WDR49: variants seen among roughly 807,000 people sequenced by gnomAD.
WDR49 encodes WD repeat domain 49.
A neutral mutation model predicts 119.5 loss-of-function variants in WDR49; 107 were observed. The observed-to-expected ratio is 0.90, with a 90% confidence interval of 0.77 to 1.05. The LOEUF (loss-of-function observed/expected upper bound fraction) is 1.05, where lower values mean the gene tolerates loss of function less well. Among genes scored for constraint, WDR49 ranks in the 50% least tolerant of loss-of-function variants. The pLI is 0.00. For synonymous variants in WDR49, 425 were observed against 418.8 expected (o/e 1.01, Z -0.18); for missense variants, 1,240 against 1,220.5 (o/e 1.02, Z -0.24).
At chr3:167,654,398 T>TA (rs1196781553), upstream of WDR49, among the ~76,000 whole-genome samples, 2 of 152,174 alleles carry the variant, frequency 1.3e-5, no homozygotes, top group African/African-American at 4.8e-5. Flanking sequence ...CATAACATAA[T>TA]ATGATAAATC....
chr3:167,646,517 C>G (rs990943423), intron 2 of WDR49, among the ~76,000 whole-genome samples: 2 of 152,098 alleles, frequency 1.3e-5, no homozygotes, highest in Non-Finnish European at 2.9e-5. Flanking sequence ...GCAGCATTGT[C>G]CAATGGAACT....
At chr3:167,617,842 G>C (rs996984477) in intron 5 of WDR49, among the ~76,000 whole-genome samples, 1 of 152,104 alleles carries the variant, frequency 6.6e-6, no homozygotes, top group African/African-American at 2.4e-5. Context: ...ATTTTCTAAT[G>C]ATCAAAAACC....
At chr3:167,499,800 T>C (rs1751490269) in intron 18 of WDR49, among the ~76,000 whole-genome samples, 1 of 152,194 alleles carries the variant, frequency 6.6e-6, no homozygotes, top group Admixed American at 6.5e-5. Context: ...CCAGACACTG[T>C]GTTCTAAAGT....
At position 167,527,837 on chromosome 3, in the gene WDR49, C is replaced by T. The variant is rs1752690311; in HGVS notation, c.2587G>A (p.Val863Ile). 3 of 1,612,616 alleles carry T rather than the reference C, an allele frequency of 1.9e-6. No homozygotes were observed. The highest frequency in any genetic ancestry group is 2.5e-6 in the Non-Finnish European group (3 of 1,179,258). ...ICVTGVCNAPVWIFGQAKHWH... is the reference protein window; with the variant it reads ...ICVTGVCNAPIWIFGQAKHWH... ...ATTTCTACCTGACCAAAGATCCAAA[C>T]AGGAGCATTGCAGACACCAGTCACA... The change falls in exon 15 of 19, where the codon GTT becomes ATT. Residue 863 changes from valine to isoleucine, a missense_variant. Coordinates refer to ENST00000682715, the MANE Select transcript of WDR49 (RefSeq NM_001366157.1).
chr3:167,522,319 A>G lies in WDR49; in HGVS notation c.2770T>C (p.Tyr924His). Reference sequence around the variant, plus strand: ...CTAATGTTCAAAATTACTTACTTGTATGTTGAGTCATCTTTGTTTTTCTTA... The same window carrying G: ...CTAATGTTCAAAATTACTTACTTGTGTGTTGAGTCATCTTTGTTTTTCTTA... ...LNKKNKDDST[Y>H]NVRPSEDINL... is the part of the protein sequence containing the mutation. The change falls in exon 16 of 19, where the codon TAC (tyrosine) becomes CAC (histidine). Residue 924 changes from tyrosine to histidine, a missense_variant. Physicochemically the swap from Tyr to His is moderately conservative, Grantham distance 83. Transcript: ENST00000682715. 1.9e-6 allele frequency: 3 copies of G among 1,582,792 alleles called. No homozygotes were observed. The highest frequency in any genetic ancestry group is 2.6e-6 in the Non-Finnish European group (3 of 1,172,376).
At chr3:167,596,950 G>GA (rs528182004) in intron 7 of WDR49, among the ~76,000 whole-genome samples, 27,327 of 126,904 alleles carry the variant, frequency 0.22, 2,748 homozygotes, top group South Asian at 0.27. Context: ...ACTCAAAATG[G>GA]AAAAAAAAAA....
intron 2 of WDR49, among the ~76,000 whole-genome samples, chr3:167,633,088 CGTGTGTGTGTGT>C (rs3061397): frequency 2.0e-5 from 3 of 147,084 alleles, no homozygotes; most frequent in South Asian, 4.4e-4. Flanking sequence ...TAGCCAAACT[CGTGTGTGTGTGT>C]GTGTGTGTGT....
chr3:167,512,895 AC>A (rs1752035859), intron 16 of WDR49, among the ~76,000 whole-genome samples: 1 of 152,208 alleles, frequency 6.6e-6, no homozygotes, highest in South Asian at 2.1e-4. Flanking sequence ...AGACAGGCAG[AC>A]AAGATAAGAG....
chr3:167,484,332 A>T (rs527318443), intron 18 of WDR49, among the ~76,000 whole-genome samples: 1 of 152,232 alleles, frequency 6.6e-6, no homozygotes, highest in East Asian at 1.9e-4. Context: ...GCATTAAGAG[A>T]TATACCTAAT....
Position 167,536,756 on chromosome 3 carries a change from CAT to C in WDR49, c.1954+112_1954+113del, listed in dbSNP as rs376503635. On this transcript the variant is annotated intron_variant, in intron 11 of 18. Transcript: ENST00000682715. ...ATACACACACACACACATACATATA[CAT>C]ATATATATATATAAAACAACTGAGA... The C allele has an allele frequency of 8.2e-3, 3,249 of 396,448 alleles. 33 individuals are homozygous for C. Among genetic ancestry groups the C allele is most frequent in the African/African-American group, 0.041 (1,684 of 41,220 alleles). The allele number at this position is 396,448 out of a possible 1,614,324, so 24.6% of individuals were successfully genotyped here.
Position 167,653,418 on chromosome 3 carries a change from C to A in WDR49, c.8G>T (p.Cys3Phe). 1 of 1,520,932 alleles carries A rather than the reference C, an allele frequency of 6.6e-7. No individual in the cohort carries two copies. Among genetic ancestry groups the A allele is most frequent in the Non-Finnish European group, 8.8e-7 (1 of 1,140,772 alleles). 94.2% of individuals were successfully genotyped at this position (1,520,932 alleles called of 1,614,324 possible). A position where few individuals can be genotyped will look rare whatever the true frequency, so the allele number is the denominator to read the frequency against. MS[C>F]QKAVLELNIG... ...GTTTAACTCAAGTACAGCTTTCTGG[C>A]AACTCATAATGGCTTCACCTTTTCT... The change falls in exon 2 of 19, where the codon TGC becomes TTC. Residue 3 changes from cysteine to phenylalanine, a missense_variant. Physicochemically the swap from Cys to Phe is radical, Grantham distance 205 (BLOSUM62 -2). Coordinates refer to ENST00000682715, the MANE Select transcript of WDR49 (RefSeq NM_001366157.1).
chr3:167,558,263 A>G (rs1713063918), intron 9 of WDR49, among the ~76,000 whole-genome samples: 1 of 152,222 alleles, frequency 6.6e-6, no homozygotes, highest in South Asian at 2.1e-4. Flanking sequence ...TTTTATGCAC[A>G]CATTAATTAT....
chr3:167,516,578 A>C (rs1752214322), intron 16 of WDR49, among the ~76,000 whole-genome samples: 1 of 152,140 alleles, frequency 6.6e-6, no homozygotes, highest in Non-Finnish European at 1.5e-5. Context: ...ATGTGTCTTT[A>C]TAGCAGCATG....
intron 7 of WDR49, among the ~76,000 whole-genome samples, chr3:167,582,614 T>C (rs1714595517): frequency 6.6e-6 from 1 of 152,142 alleles, no homozygotes; most frequent in African/African-American, 2.4e-5. Context: ...GGCAAAACAT[T>C]GTCTAACAAC....
At position 167,604,317 on chromosome 3, in the gene WDR49, A is replaced by T; in HGVS notation, c.1110T>A (p.Ser370=). The T allele has an allele frequency of 6.2e-7, 1 of 1,613,706 alleles. No individual in the cohort carries two copies. The highest frequency in any genetic ancestry group is 8.5e-7 in the Non-Finnish European group (1 of 1,179,838). The change falls in exon 6 of 19, where the codon TCT becomes TCA. Residue 370 remains serine (S), a synonymous_variant. Transcript: ENST00000682715. ...AQGIHAFDYH[S]RLNLIATAGI... ...TTTACCTACCAATTAAATTGAGCCGAGAGTGATAATCAAAAGCATGAATGC... is the reference window on the plus strand; with the variant it reads ...TTTACCTACCAATTAAATTGAGCCGTGAGTGATAATCAAAAGCATGAATGC...
intron 10 of WDR49, among the ~76,000 whole-genome samples, chr3:167,543,414 C>T (rs1407865196): frequency 6.6e-6 from 1 of 151,958 alleles, no homozygotes; most frequent in Non-Finnish European, 1.5e-5. Flanking sequence ...CAACTAAATC[C>T]AACAGCATTT....
chr3:167,619,751 A>C lies in WDR49; in HGVS notation c.958+678T>G, dbSNP rs75253849. Among the ~76,000 whole-genome samples, 22 of 152,314 alleles carry C rather than the reference A, an allele frequency of 1.4e-4. No individual in the cohort carries two copies. In the East Asian group the frequency reaches 4.2e-3, roughly 29 times the overall value. On this transcript the variant is annotated intron_variant, in intron 5 of 18. Coordinates refer to ENST00000682715, the MANE Select transcript of WDR49 (RefSeq NM_001366157.1). ...GCAATTTAGAAGTGAGAAAATTAGC[A>C]TACTCAGTATCTAAACAAAGAAATA...
rs1751263886 is a variant in WDR49, at chr3:167,494,341, T to C, written c.3031+5812A>G. Among the ~76,000 whole-genome samples the C allele has an allele frequency of 2.0e-5, 3 of 152,190 alleles. No homozygotes were observed. In the South Asian group the frequency reaches 6.2e-4, roughly 32 times the overall value. On this transcript the variant is annotated intron_variant, in intron 18 of 18. Transcript: ENST00000682715. ...CCCCATTATAAGGCATCTACCGCAG[T>C]TTTCAGAACGCTTTCTAAAATGCAA...
At chr3:167,548,300 C>T (rs994403342) in intron 10 of WDR49, among the ~76,000 whole-genome samples, 2 of 151,934 alleles carry the variant, frequency 1.3e-5, no homozygotes, top group African/African-American at 4.8e-5. Context: ...ATTCAGATTC[C>T]TCGGCACTTG....
Sources: gnomAD v4.1 joint callset for allele counts (sites outside exome capture counted in the v4.1 genomes callset) on GRCh38, gnomAD v4.1.1 for gene constraint, MANE v1.5 for transcripts, NCBI Gene and HGNC (gene_info 2026-07-23, HGNC 2026-07-21) for gene names.